TRABD2B: variants seen among roughly 807,000 people sequenced by gnomAD.
TRABD2B encodes TraB domain containing 2B.
A neutral mutation model predicts 40.1 loss-of-function variants in TRABD2B; 14 were observed. The observed-to-expected ratio is 0.35, with a 90% confidence interval of 0.23 to 0.55. The LOEUF is 0.55. Among genes scored for constraint, TRABD2B ranks in the 20% least tolerant of loss-of-function variants. The pLI is 0.90. For synonymous variants in TRABD2B, 263 were observed against 277.0 expected (o/e 0.95, Z 0.50); for missense variants, 541 against 648.6 (o/e 0.83, Z 1.80).
intron 2 of TRABD2B, among the ~76,000 whole-genome samples, chr1:47,986,390 C>T (rs1013168181): frequency 2.6e-5 from 4 of 152,148 alleles, no homozygotes; most frequent in Non-Finnish European, 4.4e-5. Flanking sequence ...ACCACAAAGC[C>T]CCAACTTCAG....
chr1:47,888,647 C>T (rs530430771), intron 2 of TRABD2B, among the ~76,000 whole-genome samples: 2 of 152,268 alleles, frequency 1.3e-5, no homozygotes, highest in East Asian at 3.9e-4. Context: ...CCTCTTCTTT[C>T]CAGGCACACA....
chr1:47,808,453 A>G (rs1218793598), intron 2 of TRABD2B, among the ~76,000 whole-genome samples: 1 of 152,188 alleles, frequency 6.6e-6, no homozygotes, highest in Non-Finnish European at 1.5e-5. Flanking sequence ...GGAGTGATGA[A>G]GGAAGGGGAA....
At chr1:47,911,072 T>C (rs1644756683) in intron 2 of TRABD2B, among the ~76,000 whole-genome samples, 1 of 152,210 alleles carries the variant, frequency 6.6e-6, no homozygotes, top group African/African-American at 2.4e-5. Context: ...CATAGCTTCC[T>C]GGAGCAGAGC....
chr1:47,882,417 C>G (rs1206505052), intron 2 of TRABD2B, among the ~76,000 whole-genome samples: 1 of 152,226 alleles, frequency 6.6e-6, no homozygotes, highest in African/African-American at 2.4e-5. Context: ...CTTGACAGCT[C>G]TAGCCCAGAC....
chr1:47,875,424 T>G (rs1347041570), intron 2 of TRABD2B, among the ~76,000 whole-genome samples: 4 of 151,842 alleles, frequency 2.6e-5, no homozygotes, highest in Non-Finnish European at 4.4e-5. Context: ...TGGTGGCTCA[T>G]GCCTGTAATT....
rs193004673 is a variant in TRABD2B, at chr1:47,763,118, T to C, written c.*2784A>G. ...TGGTGGATAGATCGTGTCAAAGGTG[T>C]GGGTTGCTGCTTATGGAATGGTGGT... On this transcript the variant is annotated 3_prime_UTR_variant, in exon 7 of 7. Coordinates refer to ENST00000606738, the MANE Select transcript of TRABD2B (RefSeq NM_001194986.2). 3.3e-5 allele frequency: 5 copies of C among 152,278 alleles called. No individual in the cohort carries two copies. The East Asian group carries it at 9.6e-4, about 29-fold the overall frequency. The allele number at this position is 152,278 out of a possible 1,614,324, so 9.4% of individuals were successfully genotyped here. A position where few individuals can be genotyped will look rare whatever the true frequency, so the allele number is the denominator to read the frequency against.
At chr1:47,840,950 G>A (rs1415581084) in intron 2 of TRABD2B, among the ~76,000 whole-genome samples, 1 of 152,160 alleles carries the variant, frequency 6.6e-6, no homozygotes, top group East Asian at 1.9e-4. Flanking sequence ...CCATGTGACA[G>A]GGAAGGAAAG....
intron 2 of TRABD2B, among the ~76,000 whole-genome samples, chr1:47,922,739 T>A (rs182791638): frequency 6.6e-6 from 1 of 152,338 alleles, no homozygotes; most frequent in Non-Finnish European, 1.5e-5. Context: ...CTTCTGTTCA[T>A]CTCCACAGCA....
intron 2 of TRABD2B, among the ~76,000 whole-genome samples, chr1:47,833,750 C>A (rs1049682829): frequency 2.0e-5 from 3 of 152,228 alleles, no homozygotes; most frequent in Non-Finnish European, 4.4e-5. Context: ...ACCTGTATAT[C>A]CTGCCTCCTG....
chr1:47,993,767 G>A (rs191092837), intron 2 of TRABD2B, among the ~76,000 whole-genome samples: 15 of 152,332 alleles, frequency 9.8e-5, no homozygotes, highest in Admixed American at 7.8e-4. Context: ...AAGCACAGCA[G>A]GTGAGGAGTG....
At chr1:47,913,127 A>C (rs1490479551) in intron 2 of TRABD2B, among the ~76,000 whole-genome samples, 1 of 152,170 alleles carries the variant, frequency 6.6e-6, no homozygotes, top group East Asian at 1.9e-4. Context: ...AGGGCAGCCC[A>C]ACAGACTTTT....
At chr1:47,865,980 C>G (rs78558921) in intron 2 of TRABD2B, among the ~76,000 whole-genome samples, 3,571 of 152,156 alleles carry the variant, frequency 0.023, 115 homozygotes, top group Admixed American at 0.094. Context: ...GGGAGAGACT[C>G]AGGACTGCTT....
intron 2 of TRABD2B, among the ~76,000 whole-genome samples, chr1:47,977,214 A>G (rs1245525828): frequency 6.6e-6 from 1 of 152,070 alleles, no homozygotes; most frequent in African/African-American, 2.4e-5. Context: ...CTGGGACCAC[A>G]GGTGCATGCC....
intron 2 of TRABD2B, among the ~76,000 whole-genome samples, chr1:47,933,488 AAAC>A (rs1232589344): frequency 6.6e-6 from 1 of 152,148 alleles, no homozygotes; most frequent in East Asian, 1.9e-4. Context: ...TGAGACTATG[AAAC>A]AACCACACTG....
intron 2 of TRABD2B, among the ~76,000 whole-genome samples, chr1:47,940,865 C>A (rs1437702544): frequency 6.6e-6 from 1 of 152,182 alleles, no homozygotes; most frequent in African/African-American, 2.4e-5. Flanking sequence ...GGGAAAATGC[C>A]CATAATGGCG....
intron 4 of TRABD2B, among the ~76,000 whole-genome samples, chr1:47,787,062 C>T (rs988485097): frequency 6.6e-6 from 1 of 152,136 alleles, no homozygotes; most frequent in African/African-American, 2.4e-5. Context: ...CTCTTCTGTG[C>T]CCAGCTATGA....
In TRABD2B at chr1:47,775,366, C is replaced by A; in HGVS notation, c.1153G>T (p.Ala385Ser). 1 of 1,237,928 alleles carries A rather than the reference C, an allele frequency of 8.1e-7. No homozygotes were observed. Among genetic ancestry groups the A allele is most frequent in the Non-Finnish European group, 1.0e-6 (1 of 989,754 alleles). The allele number at this position is 1,237,928 out of a possible 1,614,324, so 76.7% of individuals were successfully genotyped here. A position where few individuals can be genotyped will look rare whatever the true frequency, so the allele number is the denominator to read the frequency against. ...GTCACAGAGGGTGCTTCGGGGACAG[C>A]GGCAGCTGGGGTCACTGGGGCCGGG... Reference protein sequence around the residue: ...TSPAPVTPAAAVPEAPSVTPT... With the variant: ...TSPAPVTPAASVPEAPSVTPT... Residue 385 changes from alanine to serine, a missense_variant, in exon 6 of 7, where the codon GCT becomes TCT. Physicochemically the swap from Ala to Ser is moderately conservative, Grantham distance 99 (BLOSUM62 1). Around this residue, in one of 2 missense-constraint regions of TRABD2B, gnomAD observed 172 missense variants for 155.8 expected, o/e 1.10. Transcript: ENST00000606738.
intron 2 of TRABD2B, among the ~76,000 whole-genome samples, chr1:47,971,502 A>G (rs879317189): frequency 2.6e-5 from 4 of 152,194 alleles, no homozygotes; most frequent in Non-Finnish European, 5.9e-5. Context: ...GGCCCAACCA[A>G]TCAATGAGAA....
chr1:47,951,645 G>A (rs1052263874), intron 2 of TRABD2B, among the ~76,000 whole-genome samples: 4 of 152,142 alleles, frequency 2.6e-5, no homozygotes, highest in African/African-American at 9.7e-5. Context: ...TAGAGAGGGT[G>A]GGGCAGCAGA....
Sources: allele counts gnomAD v4.1 joint callset (sites outside exome capture counted in the v4.1 genomes callset), GRCh38; gene constraint gnomAD v4.1.1; regional missense constraint gnomAD v4.1.1; transcripts MANE v1.5; gene names NCBI Gene and HGNC (gene_info 2026-07-23, HGNC 2026-07-21).